Variants in USP13 observed in about 807,000 individuals in gnomAD.
USP13 encodes the protein ubiquitin specific peptidase 13, also known as ubiquitin carboxyl-terminal hydrolase 13.
In USP13, 68 loss-of-function variants were observed where a neutral mutation model predicts 107.8. The observed-to-expected ratio is 0.63, with a 90% CI of 0.52 to 0.77. The LOEUF is 0.77. Ranked by LOEUF, USP13 falls within the 30% of genes least tolerant of loss-of-function variation. The probability of loss-of-function intolerance (pLI) is 0.00; values close to 1 mark genes in which losing one functional copy is unlikely to be tolerated. For missense variants in USP13, 945 were observed against 1,093.3 expected (o/e 0.86, Z 1.91); for synonymous variants, 377 against 389.5 (o/e 0.97, Z 0.38).
intron 2 of USP13, among the ~76,000 whole-genome samples, chr3:179,686,903 G>A (rs76419897): frequency 6.6e-6 from 1 of 152,136 alleles, no homozygotes; most frequent in South Asian, 2.1e-4. Flanking sequence ...CTTGGCTTCC[G>A]CTTATCCTTT....
intron 16 of USP13, 98 bp downstream of exon 16, chr3:179,757,176 T>C (rs1714838856): frequency 7.4e-7 from 1 of 1,351,392 alleles, no homozygotes; most frequent in Admixed American, 1.8e-5. Context: ...GTTCTGTACG[T>C]GTGTGTGTGC....
At chr3:179,693,054 T>A (rs557515534) in intron 3 of USP13, among the ~76,000 whole-genome samples, 70 of 152,312 alleles carry the variant, frequency 4.6e-4, no homozygotes, top group South Asian at 3.5e-3. Flanking sequence ...TATATTAATT[T>A]AAAAATGAAT....
chr3:179,700,173 CAA>C (rs1712466123), intron 3 of USP13, among the ~76,000 whole-genome samples: 1 of 151,960 alleles, frequency 6.6e-6, no homozygotes, highest in South Asian at 2.1e-4. Flanking sequence ...ATGAACCAAG[CAA>C]AGAGGGGACG....
At chr3:179,753,292 C>T (rs909567018) in intron 14 of USP13, among the ~76,000 whole-genome samples, 9 of 152,154 alleles carry the variant, frequency 5.9e-5, no homozygotes, top group African/African-American at 2.2e-4. Flanking sequence ...ACTTGTTTGC[C>T]ACGTGAAATT....
At chr3:179,729,396 TCAAGCAGAGGCTTCAGAG>T (rs1713712839) in intron 8 of USP13, among the ~76,000 whole-genome samples, 1 of 152,164 alleles carries the variant, frequency 6.6e-6, no homozygotes, top group African/African-American at 2.4e-5. Flanking sequence ...ACGGGCCCAG[TCAAGCAGAGGCTTCAGAG>T]GAGCCTGATG....
chr3:179,779,490 A>T (rs555987526), intron 19 of USP13, among the ~76,000 whole-genome samples: 2 of 152,166 alleles, frequency 1.3e-5, no homozygotes, highest in East Asian at 3.9e-4. Flanking sequence ...AGATTGCGCC[A>T]CTGCACTCCA....
At chr3:179,763,342 GT>G (rs2108536865) in intron 17 of USP13, among the ~76,000 whole-genome samples, 1 of 152,156 alleles carries the variant, frequency 6.6e-6, no homozygotes, top group East Asian at 1.9e-4. Flanking sequence ...GATTATTATA[GT>G]TTTAGCTCCT....
intron 19 of USP13, among the ~76,000 whole-genome samples, chr3:179,778,826 G>A (rs955193838): frequency 2.0e-5 from 3 of 152,126 alleles, no homozygotes; most frequent in Non-Finnish European, 2.9e-5. Context: ...GTATGGACAG[G>A]AAAGCAGGAT....
chr3:179,680,173 A>AAAAAACAAC (rs1711596939), intron 1 of USP13, among the ~76,000 whole-genome samples: 2 of 150,190 alleles, frequency 1.3e-5, no homozygotes, highest in African/African-American at 4.9e-5. Flanking sequence ...ACGCTGTTGA[A>AAAAAACAAC]AACAACAACA....
chr3:179,698,713 T>C (rs1234906713), intron 3 of USP13, among the ~76,000 whole-genome samples: 1 of 152,014 alleles, frequency 6.6e-6, no homozygotes, highest in Admixed American at 6.6e-5. Context: ...TTTCCATTTG[T>C]TTAGGTTTCT....
At chr3:179,670,886 CG>C (rs1414963920) in intron 1 of USP13, among the ~76,000 whole-genome samples, 1 of 151,776 alleles carries the variant, frequency 6.6e-6, no homozygotes, top group Non-Finnish European at 1.5e-5. Flanking sequence ...TTGGTAGAGA[CG>C]GGGTTTTACC....
At chr3:179,741,351 T>C (rs1184615251) in intron 11 of USP13, among the ~76,000 whole-genome samples, 1 of 132,424 alleles carries the variant, frequency 7.6e-6, no homozygotes, top group Non-Finnish European at 1.5e-5. Flanking sequence ...TTGTTAGAAC[T>C]AGGCTGCAGT....
intron 1 of USP13, among the ~76,000 whole-genome samples, chr3:179,659,075 T>C (rs957431181): frequency 2.0e-5 from 3 of 152,200 alleles, no homozygotes; most frequent in Non-Finnish European, 4.4e-5. Flanking sequence ...GGAGCTTTTT[T>C]CCCATTTTTG....
chr3:179,711,602 A>G (rs989141361), intron 6 of USP13, among the ~76,000 whole-genome samples: 1 of 152,054 alleles, frequency 6.6e-6, no homozygotes, highest in African/African-American at 2.4e-5. Flanking sequence ...TAAGACACAA[A>G]CACACACATT....
At chr3:179,672,427 C>T (rs1299919427) in intron 1 of USP13, among the ~76,000 whole-genome samples, 1 of 150,424 alleles carries the variant, frequency 6.6e-6, no homozygotes, top group African/African-American at 2.5e-5. Flanking sequence ...GCTCTGTTGC[C>T]AGTCTGGAGT....
At chr3:179,737,494 G>A (rs6785328) in intron 10 of USP13, among the ~76,000 whole-genome samples, 4,683 of 152,248 alleles carry the variant, frequency 0.031, 244 homozygotes, top group African/African-American at 0.11. Context: ...TTGCATGCTC[G>A]TGTCAGCTGA....
intron 10 of USP13, among the ~76,000 whole-genome samples, chr3:179,737,041 A>G (rs1302063067): frequency 6.6e-6 from 1 of 152,236 alleles, no homozygotes; most frequent in Non-Finnish European, 1.5e-5. Context: ...TTCAAAGTGG[A>G]GAAATAACTG....
chr3:179,714,018 A>G (rs1344805387), intron 6 of USP13, among the ~76,000 whole-genome samples: 1 of 152,152 alleles, frequency 6.6e-6, no homozygotes, highest in Non-Finnish European at 1.5e-5. Context: ...ACAAACCAAG[A>G]AGCAGATCAC....
In USP13 at chr3:179,728,557, A is replaced by G. The variant is rs371268808; in HGVS notation, c.1089-1632A>G. ...AGACGATGGGCGGCCAGGCAGAGAC[A>G]CTCCTCACTTCCCAGACGGGGTGGC... On this transcript the variant is annotated intron_variant, in intron 8 of 20. Transcript: ENST00000263966. 0.014 allele frequency among the ~76,000 whole-genome samples: 1,827 copies of G among 133,404 alleles called. 40 individuals carry two copies. The Middle Eastern group carries it at 0.15, about 11-fold the overall frequency. 87.5% of individuals were successfully genotyped at this position (133,404 alleles called of 152,430 possible). A position where few individuals can be genotyped will look rare whatever the true frequency, so the allele number is the denominator to read the frequency against.
Sources: gnomAD v4.1 joint callset for allele counts (sites outside exome capture counted in the v4.1 genomes callset) on GRCh38, gnomAD v4.1.1 for gene constraint, MANE v1.5 for transcripts, NCBI Gene and HGNC (gene_info 2026-07-23, HGNC 2026-07-21) for gene names.